Variants in RASGRF2 observed in about 807,000 individuals in gnomAD.
RASGRF2 encodes ras-specific guanine nucleotide-releasing factor 2.
A neutral mutation model predicts 151.0 loss-of-function variants in RASGRF2; 76 were observed. That is an observed-to-expected ratio of 0.50 (90% CI 0.42 to 0.61). The LOEUF (loss-of-function observed/expected upper bound fraction) is 0.61, where lower values mean the gene tolerates loss of function less well. RASGRF2 is among the 20% of genes least tolerant of loss of function. The probability of loss-of-function intolerance (pLI) is 0.00; values close to 1 mark genes in which losing one functional copy is unlikely to be tolerated. For missense variants in RASGRF2, 1,148 were observed against 1,564.6 expected, an observed-to-expected ratio of 0.73 and a Z score of 4.49; for synonymous variants, 504 against 566.5, an observed-to-expected ratio of 0.89 and a Z score of 1.57.
At chr5:81,169,696 C>T (rs1404365614) in intron 17 of RASGRF2, among the ~76,000 whole-genome samples, 1 of 152,146 alleles carries the variant, frequency 6.6e-6, no homozygotes, top group Non-Finnish European at 1.5e-5. Context: ...GAATACTATT[C>T]AATTCAGTAC....
chr5:81,138,301 G>A (rs1476245558), intron 17 of RASGRF2, among the ~76,000 whole-genome samples: 2 of 152,070 alleles, frequency 1.3e-5, no homozygotes, highest in Non-Finnish European at 2.9e-5. Flanking sequence ...TGCTTCCCTG[G>A]CTGCTGCATT....
chr5:80,981,568 A>G (rs1748302204), intron 1 of RASGRF2, among the ~76,000 whole-genome samples: 1 of 151,904 alleles, frequency 6.6e-6, no homozygotes, highest in African/African-American at 2.4e-5. Flanking sequence ...GCAGTGCTCT[A>G]GAGAGTGCTT....
intron 18 of RASGRF2, among the ~76,000 whole-genome samples, chr5:81,181,771 T>G (rs937583560): frequency 2.6e-5 from 4 of 152,194 alleles, no homozygotes; most frequent in Middle Eastern, 3.4e-3. Flanking sequence ...GCTCCCCTCC[T>G]CCCTTCCAAA....
chr5:81,101,101 C>T (rs1290406826), intron 12 of RASGRF2, among the ~76,000 whole-genome samples: 1 of 152,186 alleles, frequency 6.6e-6, no homozygotes, highest in Non-Finnish European at 1.5e-5. Flanking sequence ...TATCTATGAT[C>T]TAGGAATCTA....
chr5:81,069,982 T>C (rs26908), intron 3 of RASGRF2: 42,015 of 154,980 alleles, frequency 0.27, 6,121 homozygotes, highest in Admixed American at 0.36. Context: ...TTGGTTGGCT[T>C]GGACCAGCCC....
chr5:81,109,923 C>T (rs1181607819), intron 13 of RASGRF2, among the ~76,000 whole-genome samples: 2 of 152,152 alleles, frequency 1.3e-5, no homozygotes, highest in African/African-American at 2.4e-5. Context: ...TCCAACATAT[C>T]TATAGTACAC....
intron 17 of RASGRF2, among the ~76,000 whole-genome samples, chr5:81,178,858 C>A (rs1364778591): frequency 6.6e-6 from 1 of 152,192 alleles, no homozygotes; most frequent in Non-Finnish European, 1.5e-5. Context: ...CCTGCCTCAG[C>A]CTCCCGAGAG....
chr5:81,062,011 A>AC lies in RASGRF2; in HGVS notation c.396-6021_396-6020insC, dbSNP rs1280185887. On this transcript the variant is annotated intron_variant, in intron 2 of 26. Coordinates refer to ENST00000265080, the MANE Select transcript of RASGRF2 (RefSeq NM_006909.3). ...ATCCCAGCTGACAAAAAAAAAAAAA[A>AC]AAAAAAAAAAAAACTGTAGAGATGA... Among the ~76,000 whole-genome samples the AC allele has an allele frequency of 4.7e-4, 70 of 148,522 alleles. 5 individuals carry two copies. The highest frequency in any genetic ancestry group is 1.3e-3 in the Admixed American group (19 of 14,884).
intron 1 of RASGRF2, among the ~76,000 whole-genome samples, chr5:81,037,920 T>C (rs1372725839): frequency 1.3e-5 from 2 of 152,214 alleles, no homozygotes; most frequent in East Asian, 3.8e-4. Flanking sequence ...TCTAACTGTA[T>C]ACATATCTAA....
At chr5:81,114,005 CT>C in intron 15 of RASGRF2, 85 bp downstream of exon 15, 1 of 1,452,872 alleles carries the variant, frequency 6.9e-7, no homozygotes, top group Middle Eastern at 2.2e-4. Flanking sequence ...CACTGGTTCC[CT>C]TTCTTTACAA....
intron 1 of RASGRF2, among the ~76,000 whole-genome samples, chr5:81,031,833 A>G (rs1277672714): frequency 6.6e-6 from 1 of 152,200 alleles, no homozygotes; most frequent in Non-Finnish European, 1.5e-5. Flanking sequence ...GACATAAAAT[A>G]CCCTTCAAAA....
At chr5:81,108,230 AT>A (rs2112534100) in intron 12 of RASGRF2, among the ~76,000 whole-genome samples, 1 of 152,364 alleles carries the variant, frequency 6.6e-6, no homozygotes, top group Non-Finnish European at 1.5e-5. Flanking sequence ...CAAAGGGAAT[AT>A]GTATAAGTCA....
chr5:81,085,298 T>G (rs1446198832), intron 7 of RASGRF2, among the ~76,000 whole-genome samples: 1 of 152,214 alleles, frequency 6.6e-6, no homozygotes, highest in Admixed American at 6.5e-5. Context: ...CAATACTTTT[T>G]ACTGCAAGGA....
chr5:80,974,242 G>T (rs1748036948), intron 1 of RASGRF2, among the ~76,000 whole-genome samples: 1 of 152,180 alleles, frequency 6.6e-6, no homozygotes, highest in South Asian at 2.1e-4. Context: ...CACAAAGAAG[G>T]GTATCTTTAA....
At chr5:81,113,239 C>G in intron 14 of RASGRF2, 2 of 496,088 alleles carry the variant, frequency 4.0e-6, no homozygotes, top group East Asian at 3.5e-5. Context: ...ATTGCTGGCT[C>G]TGATTCAGCA....
chr5:81,109,062 G>C lies in RASGRF2; in HGVS notation c.1822G>C (p.Val608Leu), dbSNP rs761813093. The C allele has an allele frequency of 6.2e-7, 1 of 1,610,742 alleles. No homozygotes were observed. Among genetic ancestry groups the C allele is most frequent in the Non-Finnish European group, 8.5e-7 (1 of 1,177,310 alleles). ...GTTTGAAGAGAATTCCAAAGTCACTGTGCCACATATGATTAAGTAAGTGTG... is the reference window on the plus strand; with the variant it reads ...GTTTGAAGAGAATTCCAAAGTCACTCTGCCACATATGATTAAGTAAGTGTG... ...IVFEENSKVT[V>L]PHMIKSDARL... Residue 608 changes from valine (V) to leucine (L), a missense_variant, in exon 13 of 27, where the codon GTG becomes CTG. This residue lies in a region of RASGRF2 where 646 missense variants were observed against 807.4 expected (regional missense o/e 0.80). Transcript: ENST00000265080.
chr5:81,109,230 A>T (rs1752931258), intron 13 of RASGRF2, 152 bp downstream of exon 13: 1 of 1,377,560 alleles, frequency 7.3e-7, no homozygotes, highest in Non-Finnish European at 9.4e-7. Flanking sequence ...TGATTCCATT[A>T]TAAATGAGAC....
chr5:81,204,632 C>T (rs926203972), intron 19 of RASGRF2, among the ~76,000 whole-genome samples: 1 of 152,176 alleles, frequency 6.6e-6, no homozygotes, highest in South Asian at 2.1e-4. Context: ...CCAAAGTTGT[C>T]TAACTAGCTG....
chr5:81,154,222 A>G (rs1160293434), intron 17 of RASGRF2, among the ~76,000 whole-genome samples: 3 of 152,222 alleles, frequency 2.0e-5, no homozygotes, highest in African/African-American at 7.2e-5. Context: ...CCTAATAGAC[A>G]TATATAGAAT....
Sources: gnomAD v4.1 joint callset for allele counts (sites outside exome capture counted in the v4.1 genomes callset) on GRCh38, gnomAD v4.1.1 for gene constraint, gnomAD v4.1.1 regional missense constraint, MANE v1.5 for transcripts, NCBI Gene and HGNC (gene_info 2026-07-23, HGNC 2026-07-21) for gene names.